The following SLC25A48 variants were observed in gnomAD, a reference collection of about 807,000 sequenced individuals.
SLC25A48 encodes solute carrier family 25 member 48.
A neutral mutation model predicts 32.2 loss-of-function variants in SLC25A48; 29 were observed. That is an observed-to-expected ratio of 0.90 (90% CI 0.67 to 1.23). The LOEUF (loss-of-function observed/expected upper bound fraction) is 1.23. SLC25A48 is among the 50% of genes most tolerant of loss of function. The probability of loss-of-function intolerance (pLI) is 0.00; values close to 1 mark genes in which losing one functional copy is unlikely to be tolerated. For missense variants in SLC25A48, 399 were observed against 422.7 expected (o/e 0.94, Z 0.49); for synonymous variants, 164 against 172.3 (o/e 0.95, Z 0.38).
intron 3 of SLC25A48, among the ~76,000 whole-genome samples, chr5:135,747,686 G>A (rs1467086748): frequency 6.6e-6 from 1 of 152,066 alleles, no homozygotes; most frequent in African/African-American, 2.4e-5. Flanking sequence ...ACTTTACCTG[G>A]CCCCAGACAC....
chr5:135,685,476 A>G (rs1045559741), intron 3 of SLC25A48, among the ~76,000 whole-genome samples: 23 of 134,242 alleles, frequency 1.7e-4, no homozygotes, highest in African/African-American at 6.4e-4. Context: ...CTTGTTGCCC[A>G]GGCTGTAGTG....
chr5:135,638,724 T>C lies in SLC25A48; in HGVS notation c.-521+3768T>C, dbSNP rs115688278. Reference sequence around the variant, plus strand: ...TAAGGTATCATGTCATAGTTTAATTTAGATACCAAATATAACGTCTTATGA... The same window carrying C: ...TAAGGTATCATGTCATAGTTTAATTCAGATACCAAATATAACGTCTTATGA... On this transcript the variant is annotated intron_variant, in intron 3 of 10. Coordinates refer to the SLC25A48 transcript ENST00000646290. 7.9e-3 allele frequency among the ~76,000 whole-genome samples: 1,205 copies of C among 152,346 alleles called. 22 individuals are homozygous for C. The highest frequency in any genetic ancestry group is 0.028 in the African/African-American group (1,148 of 41,580).
intron 1 of SLC25A48, among the ~76,000 whole-genome samples, chr5:135,590,756 T>C (rs1329186547): frequency 6.6e-6 from 1 of 152,120 alleles, no homozygotes. Context: ...GAAAAGACAA[T>C]AGGCTGGCTT....
chr5:135,653,860 C>T (rs1406868478), intron 3 of SLC25A48: 2 of 456,200 alleles, frequency 4.4e-6, no homozygotes, highest in Non-Finnish European at 4.4e-6. Context: ...CTGAGTTGTT[C>T]CAGGAATTGT....
intron 2 of SLC25A48, among the ~76,000 whole-genome samples, chr5:135,846,592 G>A (rs1270100267): frequency 6.6e-6 from 1 of 152,104 alleles, no homozygotes; most frequent in African/African-American, 2.4e-5. Context: ...TTTCAGCTCT[G>A]GGATGCTGAG....
At chr5:135,748,952 C>T (rs1014804484) in intron 3 of SLC25A48, among the ~76,000 whole-genome samples, 1 of 152,128 alleles carries the variant, frequency 6.6e-6, no homozygotes, top group Admixed American at 6.5e-5. Flanking sequence ...CTCCTGACCT[C>T]AGGTGATCCA....
At chr5:135,770,811 C>A (rs1756388168) in intron 3 of SLC25A48, among the ~76,000 whole-genome samples, 1 of 149,082 alleles carries the variant, frequency 6.7e-6, no homozygotes, top group African/African-American at 2.6e-5. Flanking sequence ...TGTATACCCT[C>A]CCTGTGATAT....
intron 3 of SLC25A48, among the ~76,000 whole-genome samples, chr5:135,684,318 A>G (rs1753968510): frequency 1.3e-5 from 2 of 151,638 alleles, no homozygotes; most frequent in South Asian, 2.1e-4. Flanking sequence ...TTTTTCCTCC[A>G]CAAATGGTAG....
intron 3 of SLC25A48, among the ~76,000 whole-genome samples, chr5:135,674,911 G>T (rs1753733490): frequency 1.3e-5 from 2 of 148,490 alleles, no homozygotes; most frequent in African/African-American, 2.5e-5. Context: ...TTTTAGTGGG[G>T]TTTTTTTTTT....
chr5:135,688,351 A>G (rs978534129), intron 3 of SLC25A48, among the ~76,000 whole-genome samples: 4 of 151,952 alleles, frequency 2.6e-5, no homozygotes, highest in African/African-American at 9.7e-5. Flanking sequence ...ACAGTTGAAT[A>G]GTTGACTTTA....
At chr5:135,873,693 A>G (rs1287408522) in intron 5 of SLC25A48, among the ~76,000 whole-genome samples, 1 of 152,202 alleles carries the variant, frequency 6.6e-6, no homozygotes, top group Non-Finnish European at 1.5e-5. Context: ...AAATACTGCC[A>G]CGTCTCGAGC....
chr5:135,851,747 C>T (rs912936223), intron 3 of SLC25A48, among the ~76,000 whole-genome samples: 3 of 152,150 alleles, frequency 2.0e-5, no homozygotes, highest in Admixed American at 6.5e-5. Context: ...TGATTTGGCA[C>T]GCGTGTGCTG....
At chr5:135,872,218 T>C (rs1162556307) in intron 5 of SLC25A48, 1 of 263,460 alleles carries the variant, frequency 3.8e-6, no homozygotes, top group African/African-American at 2.2e-5. Context: ...CTTCATCATT[T>C]TGTGACCATG....
chr5:135,856,765 C>T (rs1760356535), intron 4 of SLC25A48, among the ~76,000 whole-genome samples: 1 of 152,240 alleles, frequency 6.6e-6, no homozygotes, highest in African/African-American at 2.4e-5. Context: ...CTTTGCTGAT[C>T]TGTCCCATCC....
chr5:135,662,530 T>C (rs1031777935), intron 3 of SLC25A48, among the ~76,000 whole-genome samples: 2 of 152,072 alleles, frequency 1.3e-5, no homozygotes, highest in African/African-American at 4.8e-5. Context: ...CATCTGTGGG[T>C]CTGCATGGTC....
chr5:135,624,715 C>T (rs1474753310), intron 1 of SLC25A48, among the ~76,000 whole-genome samples: 2 of 152,112 alleles, frequency 1.3e-5, no homozygotes, highest in Admixed American at 1.3e-4. Flanking sequence ...AAAGTTGGTG[C>T]TTGTTTGAAG....
At chr5:135,641,686 C>T (rs146205904) in intron 3 of SLC25A48, among the ~76,000 whole-genome samples, 191 of 152,324 alleles carry the variant, frequency 1.3e-3, no homozygotes, top group African/African-American at 4.4e-3. Flanking sequence ...GCTTACCCAA[C>T]AGGAGGCATT....
intron 2 of SLC25A48, among the ~76,000 whole-genome samples, chr5:135,849,686 C>T (rs577052415): frequency 3.3e-5 from 5 of 152,274 alleles, no homozygotes; most frequent in African/African-American, 1.2e-4. Flanking sequence ...TGCGACATTT[C>T]GACTCAGACC....
intron 3 of SLC25A48, among the ~76,000 whole-genome samples, chr5:135,662,880 G>A (rs1192809291): frequency 1.3e-5 from 2 of 152,030 alleles, no homozygotes; most frequent in East Asian, 1.9e-4. Context: ...CCACTAGGGC[G>A]GCTTCAGTGT....
Sources: allele counts gnomAD v4.1 joint callset (sites outside exome capture counted in the v4.1 genomes callset), GRCh38; gene constraint gnomAD v4.1.1; transcripts MANE v1.5; gene names NCBI Gene and HGNC (gene_info 2026-07-23, HGNC 2026-07-21).